Variants in LHFPL3 observed in about 807,000 individuals in gnomAD.
LHFPL3 encodes LHFPL tetraspan subfamily member 3.
Under a neutral mutation model 19.3 loss-of-function variants are expected in LHFPL3, and 5 were observed. The observed-to-expected ratio is 0.26, with a 90% CI of 0.14 to 0.54. The LOEUF is 0.54. LHFPL3 is among the 20% of genes least tolerant of loss of function. The pLI is 0.94. For synonymous variants in LHFPL3, 133 were observed against 126.2 expected (o/e 1.05, Z -0.36); for missense variants, 249 against 307.4 (o/e 0.81, Z 1.42).
intron 1 of LHFPL3, among the ~76,000 whole-genome samples, chr7:104,519,328 G>A (rs1793997644): frequency 6.6e-6 from 1 of 152,130 alleles, no homozygotes; most frequent in Non-Finnish European, 1.5e-5. Flanking sequence ...GGTGATACAG[G>A]ACTGTGAGGA....
At chr7:104,439,942 A>G (rs1296268620) in intron 1 of LHFPL3, among the ~76,000 whole-genome samples, 32 of 151,856 alleles carry the variant, frequency 2.1e-4, no homozygotes, top group African/African-American at 7.7e-4. Context: ...AAATTCTAGG[A>G]AAGGAGCTAC....
chr7:104,719,787 A>G (rs1297229898), intron 1 of LHFPL3, among the ~76,000 whole-genome samples: 1 of 152,204 alleles, frequency 6.6e-6, no homozygotes, highest in East Asian at 1.9e-4. Context: ...GTAGAGGATA[A>G]TAAAAGCATA....
chr7:104,832,619 TC>T (rs1790975374), intron 2 of LHFPL3, among the ~76,000 whole-genome samples: 1 of 68,824 alleles, frequency 1.5e-5, no homozygotes, highest in African/African-American at 6.1e-5. Context: ...ATTTCTTTTT[TC>T]CTTCTTTTTT....
chr7:104,903,914 G>A (rs1163737558), intron 2 of LHFPL3, among the ~76,000 whole-genome samples: 1 of 152,168 alleles, frequency 6.6e-6, no homozygotes, highest in Non-Finnish European at 1.5e-5. Flanking sequence ...TGTCTTTTTG[G>A]TAGAAGGATT....
chr7:104,377,857 T>C (rs1790746962), intron 1 of LHFPL3, among the ~76,000 whole-genome samples: 1 of 152,218 alleles, frequency 6.6e-6, no homozygotes, highest in Non-Finnish European at 1.5e-5. Context: ...AAGCTTTTAT[T>C]TGTCTTTAAG....
intron 1 of LHFPL3, among the ~76,000 whole-genome samples, chr7:104,731,315 A>T (rs1316823329): frequency 0.011 from 1 of 90 alleles, no homozygotes; most frequent in Non-Finnish European, 0.026. Flanking sequence ...TACCTTGGGC[A>T]GTATGGCATT....
intron 1 of LHFPL3, among the ~76,000 whole-genome samples, chr7:104,568,545 C>A (rs1192115335): frequency 6.6e-6 from 1 of 152,202 alleles, no homozygotes; most frequent in African/African-American, 2.4e-5. Flanking sequence ...TGGATCATCT[C>A]ACTCCCAGTC....
rs112414462 is a variant in LHFPL3, at chr7:104,629,179, C to T, written c.446-107496C>T. 2.3e-3 allele frequency among the ~76,000 whole-genome samples: 355 copies of T among 152,172 alleles called. 1 individual carries two copies. The highest frequency in any genetic ancestry group is 8.2e-3 in the African/African-American group (339 of 41,500). On this transcript the variant is annotated intron_variant, in intron 1 of 2. Transcript: ENST00000424859. ...GTTCTTTATAGTGTCAGGGTTCTCC[C>T]ACATTTCTTCTGATGTATGAGACCT...
chr7:104,843,579 C>T (rs1407237739), intron 2 of LHFPL3, among the ~76,000 whole-genome samples: 4 of 152,224 alleles, frequency 2.6e-5, no homozygotes, highest in Admixed American at 2.0e-4. Flanking sequence ...TCAATTGAGT[C>T]ACTTCATCCA....
At chr7:104,833,034 T>TATATATATTATATATA (rs1562808028) in intron 2 of LHFPL3, among the ~76,000 whole-genome samples, 3 of 1,240 alleles carry the variant, frequency 2.4e-3, no homozygotes, top group Non-Finnish European at 6.1e-3. Context: ...AGATATATTA[T>TATATATATTATATATA]ATATATATAT....
intron 2 of LHFPL3, among the ~76,000 whole-genome samples, chr7:104,866,412 C>A (rs1562819473): frequency 6.6e-6 from 1 of 152,130 alleles, no homozygotes; most frequent in Non-Finnish European, 1.5e-5. Context: ...CAAAAAAAGG[C>A]AGGGGTTGCA....
At chr7:104,434,929 C>T (rs1236638289) in intron 1 of LHFPL3, among the ~76,000 whole-genome samples, 1 of 151,964 alleles carries the variant, frequency 6.6e-6, no homozygotes, top group Non-Finnish European at 1.5e-5. Flanking sequence ...TAGGCATTTG[C>T]TTACTTATTA....
chr7:104,876,282 A>G lies in LHFPL3; in HGVS notation c.683-29905A>G, dbSNP rs559115677. Among the ~76,000 whole-genome samples the G allele has an allele frequency of 2.3e-3, 346 of 152,212 alleles. 3 individuals are homozygous for G. The highest frequency in any genetic ancestry group is 8.0e-3 in the African/African-American group (334 of 41,534). On this transcript the variant is annotated intron_variant, in intron 2 of 2. Coordinates refer to ENST00000424859, the MANE Select transcript of LHFPL3 (RefSeq NM_199000.3). ...AACAAAAGCCAAAATTGACAAATGG[A>G]ATCTAATTAAACTAAAGAGCTTCTG...
chr7:104,823,836 AC>A (rs1790725486), intron 2 of LHFPL3, among the ~76,000 whole-genome samples: 1 of 152,022 alleles, frequency 6.6e-6, no homozygotes, highest in African/African-American at 2.4e-5. Context: ...TGGCTAATAA[AC>A]TATTCAAAAA....
intron 1 of LHFPL3, among the ~76,000 whole-genome samples, chr7:104,498,238 A>T (rs41023): frequency 6.6e-6 from 1 of 152,032 alleles, no homozygotes; most frequent in Non-Finnish European, 1.5e-5. Context: ...ATCTTTGTGG[A>T]TATGTGACAA....
chr7:104,807,009 A>ATG (rs750104248), intron 2 of LHFPL3, among the ~76,000 whole-genome samples: 3 of 71,336 alleles, frequency 4.2e-5, no homozygotes, highest in Non-Finnish European at 8.6e-5. Context: ...ACCAAAATAT[A>ATG]TATGTGTGTG....
intron 1 of LHFPL3, among the ~76,000 whole-genome samples, chr7:104,659,156 G>A (rs1204814735): frequency 6.6e-6 from 1 of 152,186 alleles, no homozygotes; most frequent in Non-Finnish European, 1.5e-5. Flanking sequence ...CCAGGCTTCA[G>A]GGCCAGCCCC....
Position 104,328,745 on chromosome 7 carries a change from C to T in LHFPL3, c.-35C>T, listed in dbSNP as rs1181572874. 6.7e-7 allele frequency: 1 copy of T among 1,496,438 alleles called. No individual in the cohort carries two copies. The highest frequency in any genetic ancestry group is 1.6e-5 in the African/African-American group (1 of 62,086). 92.7% of individuals were successfully genotyped at this position (1,496,438 alleles called of 1,614,324 possible). On this transcript the variant is annotated 5_prime_UTR_variant, in exon 1 of 3. Transcript: ENST00000424859. This position sits in a 1 kb window ranked among gnomAD's most constrained non-coding sequence, Gnocchi z 4.6. ...CTGAGAGGCGGGGGGAGGCGGAGGACCAGGAGGAGGAGGAGGAGGAGGAGG... is the reference window on the plus strand; with the variant it reads ...CTGAGAGGCGGGGGGAGGCGGAGGATCAGGAGGAGGAGGAGGAGGAGGAGG...
chr7:104,407,321 C>CA (rs1791436619), intron 1 of LHFPL3, among the ~76,000 whole-genome samples: 1 of 152,010 alleles, frequency 6.6e-6, no homozygotes, highest in Non-Finnish European at 1.5e-5. Flanking sequence ...AAGATGAGCA[C>CA]AAAAAATGTT....
Sources: allele counts gnomAD v4.1 joint callset (sites outside exome capture counted in the v4.1 genomes callset), GRCh38; gene constraint gnomAD v4.1.1; non-coding constraint Gnocchi (gnomAD v3.1); transcripts MANE v1.5; gene names NCBI Gene and HGNC (gene_info 2026-07-23, HGNC 2026-07-21).